Variants in WWOX observed in about 807,000 individuals in gnomAD.
WWOX encodes the protein WW domain containing oxidoreductase.
In WWOX, 69 loss-of-function variants were observed where a neutral mutation model predicts 46.2. The ratio of observed to expected loss-of-function variants is 1.49; its 90% confidence interval spans 1.23 to 1.82. WWOX has a LOEUF of 1.82. Among genes scored for constraint, WWOX ranks in the 40% most tolerant of loss-of-function variants. The probability of loss-of-function intolerance (pLI) is 0.00; values close to 1 mark genes in which losing one functional copy is unlikely to be tolerated. For missense variants in WWOX, 919 were observed against 542.6 expected, an observed-to-expected ratio of 1.69 and a Z score of -6.89; for synonymous variants, 359 against 202.6, an observed-to-expected ratio of 1.77 and a Z score of -6.56.
chr16:78,583,725 T>C (rs959191178), intron 8 of WWOX, among the ~76,000 whole-genome samples: 1 of 152,212 alleles, frequency 6.6e-6, no homozygotes, highest in Non-Finnish European at 1.5e-5. Flanking sequence ...GTGGAGTTGG[T>C]AATCTAGAGG....
chr16:78,759,355 A>C (rs1264493334), intron 8 of WWOX, among the ~76,000 whole-genome samples: 1 of 152,148 alleles, frequency 6.6e-6, no homozygotes, highest in Non-Finnish European at 1.5e-5. Flanking sequence ...AAGGCACAGA[A>C]AATATTCTTC....
chr16:79,159,539 C>G (rs1263907453), intron 8 of WWOX, among the ~76,000 whole-genome samples: 1 of 152,104 alleles, frequency 6.6e-6, no homozygotes, highest in Non-Finnish European at 1.5e-5. Context: ...GACCAGGGCA[C>G]TCAGATGCTG....
At chr16:78,923,817 T>TTC (rs1491012241) in intron 8 of WWOX, among the ~76,000 whole-genome samples, 102 of 112,308 alleles carry the variant, frequency 9.1e-4, no homozygotes, top group African/African-American at 3.0e-3. Flanking sequence ...TTTTTTTTTT[T>TTC]CAGACGGAGT....
rs866055540 is a variant in WWOX at position 78,099,867 on chromosome 16, G to A, written c.89G>A (p.Gly30Asp). 6.4e-7 allele frequency: 1 copy of A among 1,574,088 alleles called. No individual in the cohort carries two copies. Among genetic ancestry groups the A allele is most frequent in the South Asian group, 1.2e-5 (1 of 85,362 alleles). The change falls in exon 1 of 9, where the codon GGC (glycine) becomes GAC (aspartate). Residue 30 changes from glycine to aspartate, a missense_variant. By Grantham distance (94) the Gly-to-Asp change is moderately conservative. Coordinates refer to ENST00000566780, the MANE Select transcript of WWOX (RefSeq NM_016373.4). ...PGWEERTTKD[G>D]WVYYANHTEE... ...TGGGAGGAGAGAACCACCAAGGACG[G>A]CTGGGTTTACTACGCCAAGTAAGGG... is the stretch of plus-strand genomic sequence containing the variant.
At chr16:78,685,091 T>G (rs2047824095) in intron 8 of WWOX, among the ~76,000 whole-genome samples, 1 of 152,178 alleles carries the variant, frequency 6.6e-6, no homozygotes. Flanking sequence ...GATCTTGCTT[T>G]TCAGTCTACT....
At chr16:78,406,303 A>AATATAAATAC (rs1200192812) in intron 6 of WWOX, among the ~76,000 whole-genome samples, 1 of 57,836 alleles carries the variant, frequency 1.7e-5, no homozygotes, top group South Asian at 6.8e-4. Context: ...TATAAATATA[A>AATATAAATAC]ATATATATAT....
At chr16:78,817,169 A>ATTGTTTTTT (rs1460643310) in intron 8 of WWOX, among the ~76,000 whole-genome samples, 3 of 26,586 alleles carry the variant, frequency 1.1e-4, no homozygotes, top group African/African-American at 3.1e-4. Flanking sequence ...CATTAGTGCT[A>ATTGTTTTTT]TTCTTTTTTT....
intron 8 of WWOX, among the ~76,000 whole-genome samples, chr16:79,008,786 A>T (rs2047241687): frequency 6.6e-6 from 1 of 152,206 alleles, no homozygotes; most frequent in Admixed American, 6.5e-5. Context: ...CACCTGTCCC[A>T]GGCCTTGTCT....
chr16:78,740,984 C>T (rs2049210350), intron 8 of WWOX, among the ~76,000 whole-genome samples: 1 of 152,184 alleles, frequency 6.6e-6, no homozygotes, highest in Non-Finnish European at 1.5e-5. Context: ...CCTTCTCTTA[C>T]AGGCCATGGG....
At chr16:78,794,067 G>A (rs2050677329) in intron 8 of WWOX, among the ~76,000 whole-genome samples, 1 of 152,120 alleles carries the variant, frequency 6.6e-6, no homozygotes, top group South Asian at 2.1e-4. Context: ...TGTCACCCCA[G>A]CATTCATTTG....
chr16:78,781,404 C>A (rs1324202556), intron 8 of WWOX, among the ~76,000 whole-genome samples: 3 of 152,122 alleles, frequency 2.0e-5, no homozygotes, highest in Non-Finnish European at 2.9e-5. Context: ...CTTACTACCC[C>A]CTCCCACCTC....
At chr16:78,666,188 A>G (rs2047329053) in intron 8 of WWOX, among the ~76,000 whole-genome samples, 1 of 152,104 alleles carries the variant, frequency 6.6e-6, no homozygotes, top group Admixed American at 6.5e-5. Flanking sequence ...TCAGGAGGCT[A>G]AGGCAGGGGG....
chr16:78,527,646 C>G (rs1029583875), intron 8 of WWOX, among the ~76,000 whole-genome samples: 10 of 152,110 alleles, frequency 6.6e-5, no homozygotes, highest in Non-Finnish European at 1.5e-4. Flanking sequence ...ATGTGTCAGT[C>G]CTACTATGCA....
chr16:78,953,692 A>G (rs932870531), intron 8 of WWOX, among the ~76,000 whole-genome samples: 17 of 152,154 alleles, frequency 1.1e-4, no homozygotes, highest in African/African-American at 3.9e-4. Context: ...AGGCAGTGAC[A>G]GAAGAGAGTG....
At chr16:78,393,242 T>C (rs2082213884) in intron 6 of WWOX, among the ~76,000 whole-genome samples, 1 of 152,212 alleles carries the variant, frequency 6.6e-6, no homozygotes, top group Admixed American at 6.5e-5. Flanking sequence ...TTATGAGGCT[T>C]TGCACATTTT....
rs7205298 is a variant in WWOX, at chr16:78,185,983, G to A, written c.516+21694G>A. ...ACCCGGCCTCAAAGTGACTTTAACA[G>A]CAACTTAAAGGCGGTGGCTAGCTCT... On this transcript the variant is annotated intron_variant, in intron 5 of 8. Coordinates refer to ENST00000566780, the MANE Select transcript of WWOX (RefSeq NM_016373.4). Among the ~76,000 whole-genome samples, 784 of 152,244 alleles carry A rather than the reference G, an allele frequency of 5.1e-3. 8 individuals carry two copies. The highest frequency in any genetic ancestry group is 0.018 in the African/African-American group (749 of 41,548).
intron 5 of WWOX, among the ~76,000 whole-genome samples, chr16:78,272,352 A>G (rs1161250774): frequency 2.6e-5 from 4 of 152,288 alleles, no homozygotes; most frequent in Non-Finnish European, 1.5e-5. Context: ...CCTTTCCTGC[A>G]TGGCAGATAT....
At chr16:78,616,673 GCAGAATTGCTTGAAC>G (rs1166309481) in intron 8 of WWOX, among the ~76,000 whole-genome samples, 2 of 152,050 alleles carry the variant, frequency 1.3e-5, no homozygotes, top group African/African-American at 4.8e-5. Context: ...GAAGGGTGAG[GCAGAATTGCTTGAAC>G]CTGGGAGGCA....
chr16:78,780,449 A>G (rs1292364914), intron 8 of WWOX: 1 of 152,152 alleles, frequency 6.6e-6, no homozygotes, highest in Non-Finnish European at 1.5e-5. Flanking sequence ...AAACAAGTCA[A>G]AAACAAAAAG....
Sources: allele counts gnomAD v4.1 joint callset (sites outside exome capture counted in the v4.1 genomes callset), GRCh38; gene constraint gnomAD v4.1.1; transcripts MANE v1.5; gene names NCBI Gene and HGNC (gene_info 2026-07-23, HGNC 2026-07-21).